The following CCDC149 variants were observed in gnomAD, a reference collection of about 807,000 sequenced individuals.
The protein encoded by CCDC149 is coiled-coil domain containing 149.
Under a neutral mutation model 59.9 loss-of-function variants are expected in CCDC149, and 45 were observed. That is an observed-to-expected ratio of 0.75 (90% CI 0.59 to 0.96). The LOEUF is 0.96. CCDC149 is among the 40% of genes least tolerant of loss of function. CCDC149 has a pLI of 0.00. For missense variants in CCDC149, 584 were observed against 664.7 expected, an observed-to-expected ratio of 0.88 and a Z score of 1.33; for synonymous variants, 245 against 260.6, an observed-to-expected ratio of 0.94 and a Z score of 0.58.
At chr4:24,977,200 C>T (rs970628063) in intron 1 of CCDC149, among the ~76,000 whole-genome samples, 1 of 152,104 alleles carries the variant, frequency 6.6e-6, no homozygotes. Flanking sequence ...TGGACCCAAG[C>T]CCCATCAATG....
At chr4:24,895,558 AGG>A (rs1258302584) in intron 1 of CCDC149, among the ~76,000 whole-genome samples, 1 of 152,176 alleles carries the variant, frequency 6.6e-6, no homozygotes, top group African/African-American at 2.4e-5. Context: ...CTGTTACCCA[AGG>A]CATTTCTCAT....
At chr4:24,919,854 T>A (rs1722233401) in intron 1 of CCDC149, among the ~76,000 whole-genome samples, 1 of 152,174 alleles carries the variant, frequency 6.6e-6, no homozygotes, top group Admixed American at 6.5e-5. Context: ...TATAAAATGT[T>A]AGTGAAGGTG....
At chr4:24,805,156 G>T (rs948855016), downstream of CCDC149, among the ~76,000 whole-genome samples, 2 of 152,190 alleles carry the variant, frequency 1.3e-5, no homozygotes, top group African/African-American at 4.8e-5. Context: ...GGCACAGAGC[G>T]ATCACAGGAG....
intron 1 of CCDC149, among the ~76,000 whole-genome samples, chr4:24,976,538 C>G (rs975780407): frequency 6.6e-6 from 1 of 152,182 alleles, no homozygotes; most frequent in African/African-American, 2.4e-5. Context: ...CATGGTGACA[C>G]TCCATCTCTA....
At chr4:24,850,227 T>C (rs1486075435) in intron 4 of CCDC149, among the ~76,000 whole-genome samples, 2 of 152,212 alleles carry the variant, frequency 1.3e-5, no homozygotes, top group Non-Finnish European at 2.9e-5. Context: ...TTCCATTCCA[T>C]TCCTTCAATA....
At chr4:24,874,244 G>GTTGTTTTTTTTTTTT (rs1719241446) in intron 2 of CCDC149, among the ~76,000 whole-genome samples, 2 of 87,488 alleles carry the variant, frequency 2.3e-5, no homozygotes, top group African/African-American at 1.2e-4. Context: ...TATTAGATTT[G>GTTGTTTTTTTTTTTT]TTTTTTTTTT....
upstream of CCDC149, among the ~76,000 whole-genome samples, chr4:24,914,871 G>A (rs568417042): frequency 7.2e-5 from 11 of 152,236 alleles, no homozygotes; most frequent in South Asian, 1.0e-3. Context: ...ATTTTACAAC[G>A]GACTGGCTGG....
chr4:24,967,191 C>A (rs148293327), intron 1 of CCDC149, among the ~76,000 whole-genome samples: 1 of 152,144 alleles, frequency 6.6e-6, no homozygotes, highest in Non-Finnish European at 1.5e-5. Context: ...GGACTGAGTG[C>A]ATGTGACGGA....
intron 1 of CCDC149, among the ~76,000 whole-genome samples, chr4:24,948,967 T>A (rs1365295776): frequency 6.6e-6 from 1 of 152,206 alleles, no homozygotes; most frequent in Non-Finnish European, 1.5e-5. Context: ...TCCGCCATGA[T>A]TTTGAGGCCT....
At chr4:24,952,220 A>C (rs1040790542) in intron 1 of CCDC149, among the ~76,000 whole-genome samples, 6 of 152,160 alleles carry the variant, frequency 3.9e-5, no homozygotes, top group African/African-American at 1.4e-4. Context: ...GGCTTTGTTT[A>C]TACATATGTG....
Position 24,882,454 on chromosome 4 carries a change from T to A in CCDC149, c.64-5757A>T, listed in dbSNP as rs141826426. ...ATGTACTGGACACTGAGCTAAGTATTGGGACCCTCATGGGATAAATGATAT... is the reference window on the plus strand; with the variant it reads ...ATGTACTGGACACTGAGCTAAGTATAGGGACCCTCATGGGATAAATGATAT... On this transcript the variant is annotated intron_variant, in intron 1 of 12. Transcript: ENST00000635206. Among the ~76,000 whole-genome samples the A allele has an allele frequency of 2.3e-3, 354 of 152,310 alleles. 3 individuals are homozygous for A. The East Asian group carries it at 0.056, about 24-fold the overall frequency.
intron 4 of CCDC149, among the ~76,000 whole-genome samples, chr4:24,851,435 CT>C (rs1192490168): frequency 2.0e-5 from 3 of 152,162 alleles, no homozygotes; most frequent in African/African-American, 7.2e-5. Context: ...GCTGCTCTCT[CT>C]TTGTTTCCAT....
intron 2 of CCDC149, among the ~76,000 whole-genome samples, chr4:24,874,593 C>A (rs552196343): frequency 2.0e-4 from 30 of 151,808 alleles, no homozygotes; most frequent in African/African-American, 4.3e-4. Flanking sequence ...CACACACACA[C>A]AAAAAAAGGA....
At chr4:24,810,819 A>T (rs1714552859) in intron 12 of CCDC149, among the ~76,000 whole-genome samples, 1 of 152,266 alleles carries the variant, frequency 6.6e-6, no homozygotes, top group Admixed American at 6.5e-5. Context: ...AATGACAAAA[A>T]TGAAAAGGTT....
intron 1 of CCDC149, among the ~76,000 whole-genome samples, chr4:24,880,905 G>A (rs1391176274): frequency 6.6e-6 from 1 of 152,106 alleles, no homozygotes; most frequent in Non-Finnish European, 1.5e-5. Flanking sequence ...GGGTTCCCAG[G>A]GCACTCACCA....
chr4:24,830,024 A>C (rs1304158224), intron 9 of CCDC149: 1 of 152,990 alleles, frequency 6.5e-6, no homozygotes, highest in Non-Finnish European at 1.5e-5. Flanking sequence ...GCAGAGGCCC[A>C]GAAGAGGAAA....
At chr4:24,908,427 G>A (rs73250623) in intron 1 of CCDC149, among the ~76,000 whole-genome samples, 16,815 of 151,864 alleles carry the variant, frequency 0.11, 1,029 homozygotes, top group African/African-American at 0.15. Context: ...GCCAGGCACG[G>A]TGGCTCATGC....
At chr4:24,976,676 G>A (rs1272532718) in intron 1 of CCDC149, among the ~76,000 whole-genome samples, 2 of 152,172 alleles carry the variant, frequency 1.3e-5, no homozygotes, top group Non-Finnish European at 2.9e-5. Context: ...TCGTGCCACT[G>A]CACTCCAGCC....
chr4:24,937,934 T>C lies in CCDC149; in HGVS notation c.-65+42135A>G, dbSNP rs539589463. Among the ~76,000 whole-genome samples, 221 of 152,184 alleles carry C rather than the reference T, an allele frequency of 1.5e-3. 1 individual carries two copies. Among genetic ancestry groups the C allele is most frequent in the African/African-American group, 5.0e-3 (206 of 41,518 alleles). ...ATGCTGTGCTGCTCCTTATGGATGATATGTTGGTGGTGGGCTGGGGGTGCA... is the reference window on the plus strand; with the variant it reads ...ATGCTGTGCTGCTCCTTATGGATGACATGTTGGTGGTGGGCTGGGGGTGCA... On this transcript the variant is annotated intron_variant, in intron 1 of 12. Transcript: ENST00000389609.
Sources: allele counts gnomAD v4.1 joint callset (sites outside exome capture counted in the v4.1 genomes callset), GRCh38; gene constraint gnomAD v4.1.1; transcripts MANE v1.5; gene names NCBI Gene and HGNC (gene_info 2026-07-23, HGNC 2026-07-21).